The following SPTBN1 variants were observed in gnomAD, a reference collection of about 807,000 sequenced individuals.
SPTBN1 encodes the protein spectrin beta chain, non-erythrocytic 1.
Under a neutral mutation model 266.4 loss-of-function variants are expected in SPTBN1, and 32 were observed. That is an observed-to-expected ratio of 0.12 (90% CI 0.09 to 0.16). SPTBN1 has a LOEUF of 0.16. Among genes scored for constraint, SPTBN1 ranks in the 10% least tolerant of loss-of-function variants. SPTBN1 has a pLI of 1.00. For synonymous variants in SPTBN1, 1,336 were observed against 1,162.2 expected (o/e 1.15, Z -3.04); for missense variants, 2,296 against 3,067.1 (o/e 0.75, Z 5.94).
chr2:54,480,864 G>A (rs1256893438), intron 1 of SPTBN1, among the ~76,000 whole-genome samples: 1 of 152,076 alleles, frequency 6.6e-6, no homozygotes, highest in African/African-American at 2.4e-5. Context: ...ATTAGTTAAG[G>A]TGACTTATTG....
In SPTBN1 at chr2:54,668,335, C is replaced by A; in HGVS notation, c.6877-16C>A. 1.2e-6 allele frequency: 2 copies of A among 1,612,750 alleles called. No homozygotes were observed. Among genetic ancestry groups the A allele is most frequent in the Non-Finnish European group, 1.7e-6 (2 of 1,178,728 alleles). ...ACTCTTAGTTGAGTCTCACCTGTGT[C>A]CCTTCCTCTGTCCAGGAGGAAATGA... On this transcript the variant is annotated splice_polypyrimidine_tract_variant and intron_variant, in intron 35 of 35. Transcript: ENST00000356805.
At chr2:54,559,009 T>A (rs1463547359) in intron 2 of SPTBN1, 1 of 1,145,704 alleles carries the variant, frequency 8.7e-7, no homozygotes, top group African/African-American at 1.6e-5. Flanking sequence ...TGTGGTTGGC[T>A]GCGGGCACCC....
chr2:54,625,552 T>G (rs10164713), intron 11 of SPTBN1, among the ~76,000 whole-genome samples: 48,541 of 147,160 alleles, frequency 0.33, 8,327 homozygotes, highest in Admixed American at 0.38. Flanking sequence ...TTTCCTTTTT[T>G]GGAGGGGGGG....
chr2:54,660,763 A>G, intron 32 of SPTBN1: 1 of 985,372 alleles, frequency 1.0e-6, no homozygotes, highest in African/African-American at 1.7e-5. Flanking sequence ...TTCCTTGCAC[A>G]GATGTTGCAG....
At position 54,632,637 on chromosome 2, in the gene SPTBN1, G is replaced by A. The variant is rs1678827538; in HGVS notation, c.3636G>A (p.Glu1212=). 2 of 1,614,096 alleles carry A rather than the reference G, an allele frequency of 1.2e-6. No individual in the cohort carries two copies. Among genetic ancestry groups the A allele is most frequent in the South Asian group, 2.2e-5 (2 of 91,086 alleles). ...EGAEAAIKKQ[E]DFMTTMDANE... ...CTGAAGCAGCAATTAAAAAGCAAGA[G>A]GACTTCATGACCACCATGGACGCCA... The change falls in exon 17 of 36, where the codon GAG becomes GAA. Residue 1212 remains glutamate, a synonymous_variant. Transcript: ENST00000356805.
intron 1 of SPTBN1, chr2:54,516,276 C>T (rs1670104013): frequency 6.6e-6 from 1 of 152,152 alleles, no homozygotes; most frequent in Non-Finnish European, 1.5e-5. Context: ...ATAATAGTAT[C>T]TACTTCAAAA....
chr2:54,619,453 C>G (rs548539554), intron 7 of SPTBN1, among the ~76,000 whole-genome samples: 12 of 152,210 alleles, frequency 7.9e-5, no homozygotes, highest in Admixed American at 7.9e-4. Context: ...TAATAACTTG[C>G]TCATTAGTTA....
intron 2 of SPTBN1, chr2:54,526,889 T>C (rs576574041): frequency 4.9e-6 from 1 of 206,000 alleles, no homozygotes; most frequent in South Asian, 1.1e-4. Context: ...TTCCTTATAC[T>C]CAAAAATATA....
At chr2:54,624,021 G>A (rs987389697) in intron 10 of SPTBN1, among the ~76,000 whole-genome samples, 1 of 152,228 alleles carries the variant, frequency 6.6e-6, no homozygotes, top group Admixed American at 6.5e-5. Flanking sequence ...TAATCATCAT[G>A]CCTATTATGC....
At chr2:54,559,989 A>C (rs987853459) in intron 2 of SPTBN1, among the ~76,000 whole-genome samples, 60 of 152,190 alleles carry the variant, frequency 3.9e-4, no homozygotes, top group African/African-American at 1.4e-3. Flanking sequence ...AAAACGAGGC[A>C]GAACAGGACG....
intron 1 of SPTBN1, chr2:54,516,037 T>G (rs779425329): frequency 6.6e-6 from 1 of 152,226 alleles, no homozygotes; most frequent in African/African-American, 2.4e-5. Flanking sequence ...TAGACTTTGA[T>G]GCAGGTCATT....
chr2:54,660,774 C>A, intron 32 of SPTBN1: 1 of 985,394 alleles, frequency 1.0e-6, no homozygotes, highest in Non-Finnish European at 1.2e-6. Flanking sequence ...GATGTTGCAG[C>A]CAGCCTCAGG....
Position 54,644,557 on chromosome 2 carries a change from A to G in SPTBN1, c.4240A>G (p.Ser1414Gly), listed in dbSNP as rs1679798273. The change falls in exon 20 of 36, where the codon AGT becomes GGT. Residue 1414 changes from serine (S) to glycine (G), a missense_variant. Ser to Gly is a moderately conservative substitution (Grantham distance 56). Coordinates refer to ENST00000356805, the MANE Select transcript of SPTBN1 (RefSeq NM_003128.3). ...TGATGACTATGGCAAAGACCTGACC[A>G]GTGTCAATATCCTGCTGAAAAAGCA... is the stretch of plus-strand genomic sequence containing the variant. ...QSDDYGKDLTSVNILLKKQQM... is the reference protein window; with the variant it reads ...QSDDYGKDLTGVNILLKKQQM... 6.2e-7 allele frequency: 1 copy of G among 1,610,620 alleles called. No homozygotes were observed. Among genetic ancestry groups the G allele is most frequent in the South Asian group, 1.1e-5 (1 of 90,936 alleles).
chr2:54,525,334 C>T (rs1670737398), intron 1 of SPTBN1, among the ~76,000 whole-genome samples: 1 of 152,014 alleles, frequency 6.6e-6, no homozygotes, highest in Non-Finnish European at 1.5e-5. Context: ...AAACCTCCGG[C>T]TCCTCGGTTC....
At chr2:54,478,235 C>T (rs370653684) in intron 1 of SPTBN1, among the ~76,000 whole-genome samples, 5 of 152,114 alleles carry the variant, frequency 3.3e-5, no homozygotes, top group African/African-American at 4.8e-5. Context: ...AGATTTCACT[C>T]TCTTATGAGA....
Position 54,649,215 on chromosome 2 carries a change from G to C in SPTBN1, c.5202+25G>C. On this transcript the variant is annotated intron_variant, in intron 25 of 35. Transcript: ENST00000356805. This position sits in a 1 kb window ranked among gnomAD's most constrained non-coding sequence, Gnocchi z 6.7. ...GGCAAGTACTTGAGGCAGTGCATGAGTTGGTTGTGCAGTAAGCGATGGTGT... is the reference window on the plus strand; with the variant it reads ...GGCAAGTACTTGAGGCAGTGCATGACTTGGTTGTGCAGTAAGCGATGGTGT... 3.8e-6 allele frequency: 6 copies of C among 1,579,552 alleles called. No homozygotes were observed. The highest frequency in any genetic ancestry group is 5.2e-6 in the Non-Finnish European group (6 of 1,156,214).
chr2:54,577,234 G>A (rs1674555536), intron 2 of SPTBN1, among the ~76,000 whole-genome samples: 1 of 152,196 alleles, frequency 6.6e-6, no homozygotes, highest in Non-Finnish European at 1.5e-5. Context: ...TCTCTAACCT[G>A]TTAGGGTTGT....
chr2:54,504,968 A>C (rs1261349581), intron 1 of SPTBN1, among the ~76,000 whole-genome samples: 1 of 152,188 alleles, frequency 6.6e-6, no homozygotes, highest in Non-Finnish European at 1.5e-5. Context: ...ACGTGTATAA[A>C]TGTTTGTAGA....
intron 1 of SPTBN1, among the ~76,000 whole-genome samples, chr2:54,485,154 C>G (rs1179314699): frequency 6.6e-6 from 1 of 151,892 alleles, no homozygotes; most frequent in African/African-American, 2.4e-5. Flanking sequence ...GCCTCTCCCT[C>G]TCCCTCTCCC....
Sources: allele counts gnomAD v4.1 joint callset (sites outside exome capture counted in the v4.1 genomes callset), GRCh38; gene constraint gnomAD v4.1.1; non-coding constraint Gnocchi (gnomAD v3.1); transcripts MANE v1.5; gene names NCBI Gene and HGNC (gene_info 2026-07-23, HGNC 2026-07-21).